Variants in CYTH3 observed in about 807,000 individuals in gnomAD.
CYTH3 encodes cytohesin-3.
In CYTH3, 23 loss-of-function variants were observed where a neutral mutation model predicts 55.1. The ratio of observed to expected loss-of-function variants is 0.42; its 90% confidence interval spans 0.30 to 0.59. The LOEUF is 0.59. Among genes scored for constraint, CYTH3 ranks in the 20% least tolerant of loss-of-function variants. The pLI is 0.20. For synonymous variants in CYTH3, 249 were observed against 194.9 expected, an observed-to-expected ratio of 1.28 and a Z score of -2.31; for missense variants, 413 against 524.8, an observed-to-expected ratio of 0.79 and a Z score of 2.08.
chr7:6,190,428 G>GTTT (rs377416706), intron 2 of CYTH3, 21 bp downstream of exon 2: 670 of 1,264,678 alleles, frequency 5.3e-4, no homozygotes, highest in South Asian at 1.6e-3. Flanking sequence ...TGGATTTTTG[G>GTTT]TTTTTTTTTT....
At chr7:6,246,030 T>C (rs559898091) in intron 1 of CYTH3, among the ~76,000 whole-genome samples, 26 of 152,244 alleles carry the variant, frequency 1.7e-4, no homozygotes, top group African/African-American at 6.0e-4. Flanking sequence ...TTCTTAAAGA[T>C]TTTCTAAAAC....
chr7:6,190,631 C>T, intron 1 of CYTH3, 100 bp from the exon 2 acceptor site: 1 of 887,852 alleles, frequency 1.1e-6, no homozygotes. Flanking sequence ...ATTCCATACG[C>T]AGGTATTTAT....
At chr7:6,225,910 C>G (rs746491666) in intron 1 of CYTH3, among the ~76,000 whole-genome samples, 3 of 151,722 alleles carry the variant, frequency 2.0e-5, no homozygotes, top group African/African-American at 7.3e-5. Flanking sequence ...GAACTCCTGA[C>G]CTTGGGAGCT....
Position 6,241,493 on chromosome 7 carries a change from G to C in CYTH3, c.34+30981C>G, listed in dbSNP as rs150215921. On this transcript the variant is annotated intron_variant, in intron 1 of 12. Coordinates refer to ENST00000350796, the MANE Select transcript of CYTH3 (RefSeq NM_004227.4). ...GGGTGTAAAAAACAGTGAGTGTGGA[G>C]GGAAGTCTGATAACATCTAACAACA... 1.5e-3 allele frequency among the ~76,000 whole-genome samples: 232 copies of C among 152,342 alleles called. 2 individuals are homozygous for C. The highest frequency in any genetic ancestry group is 5.3e-3 in the African/African-American group (220 of 41,586).
In CYTH3 at chr7:6,250,553, A is replaced by C. The variant is rs577027263; in HGVS notation, c.34+21921T>G. On this transcript the variant is annotated intron_variant, in intron 1 of 12. Transcript: ENST00000350796. ...ACGGATGAACCTGGGAAAATGACTC[A>C]TGCCACAACATGGATGAACCTGCTG... Among the ~76,000 whole-genome samples, 39 of 152,310 alleles carry C rather than the reference A, an allele frequency of 2.6e-4. 1 individual carries two copies. In the South Asian group the frequency reaches 6.2e-3, roughly 24 times the overall value.
intron 1 of CYTH3, among the ~76,000 whole-genome samples, chr7:6,233,740 T>A (rs1040150380): frequency 2.6e-5 from 4 of 152,066 alleles, no homozygotes; most frequent in African/African-American, 9.7e-5. Flanking sequence ...TTACCACCAG[T>A]CCCATCTTTC....
intron 1 of CYTH3, among the ~76,000 whole-genome samples, chr7:6,250,733 G>A (rs1346422605): frequency 6.6e-6 from 1 of 152,168 alleles, no homozygotes; most frequent in Non-Finnish European, 1.5e-5. Context: ...TGATAAAAAT[G>A]TTCTAAAATT....
intron 1 of CYTH3, among the ~76,000 whole-genome samples, chr7:6,206,845 C>T (rs529864037): frequency 6.6e-6 from 1 of 152,198 alleles, no homozygotes; most frequent in South Asian, 2.1e-4. Context: ...CTCTAAGATA[C>T]AAAGCATCAA....
chr7:6,226,802 C>T (rs1258141191), intron 1 of CYTH3, among the ~76,000 whole-genome samples: 5 of 152,000 alleles, frequency 3.3e-5, no homozygotes, highest in Admixed American at 2.0e-4. Flanking sequence ...GAAAGGGGGC[C>T]GGGCGCGGTG....
chr7:6,199,375 C>T (rs1784008604), intron 1 of CYTH3, among the ~76,000 whole-genome samples: 1 of 152,096 alleles, frequency 6.6e-6, no homozygotes, highest in African/African-American at 2.4e-5. Context: ...AACAGCCAGG[C>T]ACAGTGGTTA....
At chr7:6,191,392 C>T (rs1484839605) in intron 1 of CYTH3, among the ~76,000 whole-genome samples, 1 of 152,174 alleles carries the variant, frequency 6.6e-6, no homozygotes, top group Admixed American at 6.5e-5. Context: ...AGCTCAAAAA[C>T]AGACTGGACT....
chr7:6,269,438 A>T (rs1780593530), intron 1 of CYTH3, among the ~76,000 whole-genome samples: 2 of 152,170 alleles, frequency 1.3e-5, no homozygotes, highest in East Asian at 3.8e-4. Context: ...TACATTGATC[A>T]GGGAGTGAAG....
intron 1 of CYTH3, among the ~76,000 whole-genome samples, chr7:6,223,418 A>G (rs544075928): frequency 2.6e-5 from 4 of 152,336 alleles, no homozygotes; most frequent in African/African-American, 9.6e-5. Flanking sequence ...GAAAAGAAAG[A>G]GAGATCAGAT....
At chr7:6,204,867 C>T (rs961994555) in intron 1 of CYTH3, among the ~76,000 whole-genome samples, 2 of 152,124 alleles carry the variant, frequency 1.3e-5, no homozygotes, top group Non-Finnish European at 2.9e-5. Flanking sequence ...AAATCAATTG[C>T]AAAACAGTGA....
chr7:6,219,360 G>A (rs1784496084), intron 1 of CYTH3, among the ~76,000 whole-genome samples: 1 of 152,210 alleles, frequency 6.6e-6, no homozygotes, highest in African/African-American at 2.4e-5. Flanking sequence ...GAGAAATTAA[G>A]AGAAACTATT....
At chr7:6,172,729 A>T in intron 6 of CYTH3, 1 of 1,184,868 alleles carries the variant, frequency 8.4e-7, no homozygotes, top group Non-Finnish European at 1.1e-6. Flanking sequence ...TCCCAGACTC[A>T]CCAGGCCTGC....
intron 4 of CYTH3, among the ~76,000 whole-genome samples, chr7:6,184,650 A>C (rs1783591664): frequency 6.6e-6 from 1 of 151,932 alleles, no homozygotes; most frequent in Non-Finnish European, 1.5e-5. Context: ...ATGCAATCTC[A>C]GCTCACTGCA....
intron 1 of CYTH3, among the ~76,000 whole-genome samples, chr7:6,193,550 A>G (rs191953682): frequency 1.8e-4 from 28 of 152,346 alleles, no homozygotes; most frequent in African/African-American, 6.5e-4. Flanking sequence ...CACATGGAAA[A>G]GCAAACTTTG....
chr7:6,261,876 C>T (rs1011427938), intron 1 of CYTH3, among the ~76,000 whole-genome samples: 12 of 151,746 alleles, frequency 7.9e-5, no homozygotes, highest in Admixed American at 7.2e-4. Context: ...GACTGAAAAC[C>T]AAGGATAAAA....
Sources: gnomAD v4.1 joint callset for allele counts (sites outside exome capture counted in the v4.1 genomes callset) on GRCh38, gnomAD v4.1.1 for gene constraint, MANE v1.5 for transcripts, NCBI Gene and HGNC (gene_info 2026-07-23, HGNC 2026-07-21) for gene names.